CABYR: variants seen among roughly 807,000 people sequenced by gnomAD.
CABYR encodes the protein calcium binding tyrosine phosphorylation regulated, also known as calcium-binding tyrosine phosphorylation-regulated protein.
A neutral mutation model predicts 36.1 loss-of-function variants in CABYR; 31 were observed. That is an observed-to-expected ratio of 0.86 (90% confidence interval 0.64 to 1.16). CABYR has a LOEUF of 1.16. CABYR is among the 50% of genes most tolerant of loss of function. The pLI is 0.00. For synonymous variants in CABYR, 146 were observed against 160.7 expected (o/e 0.91, Z 0.69); for missense variants, 429 against 455.8 (o/e 0.94, Z 0.53).
At chr18:24,147,146 T>G (rs1198852351) in intron 3 of CABYR, among the ~76,000 whole-genome samples, 1 of 151,106 alleles carries the variant, frequency 6.6e-6, no homozygotes, top group East Asian at 1.9e-4. Context: ...TTTTTAAAAA[T>G]TAGCTGGGCA....
chr18:24,159,704 A>G lies in CABYR; in HGVS notation c.774A>G (p.Pro258=). The change falls in exon 5 of 6, where the codon CCA becomes CCG. Residue 258 remains proline (P), a synonymous_variant. Transcript: ENST00000399496. ...GCGACACCAAGAAGACCAGTGCCCCACCTTTTATCTTAGTAGGCTCAAATG... is the reference window on the plus strand; with the variant it reads ...GCGACACCAAGAAGACCAGTGCCCCGCCTTTTATCTTAGTAGGCTCAAATG... ...VMGDTKKTSA[P]PFILVGSNVQ... 6.2e-7 allele frequency: 1 copy of G among 1,613,814 alleles called. No individual in the cohort carries two copies.
chr18:24,141,382 T>C lies in CABYR; in HGVS notation c.-24-1709T>C, dbSNP rs143795669. 2.9e-3 allele frequency among the ~76,000 whole-genome samples: 447 copies of C among 152,358 alleles called. 1 individual carries two copies. Among genetic ancestry groups the C allele is most frequent in the African/African-American group, 0.01 (428 of 41,594 alleles). ...TACTGTAGGGATGTTGTTGAGGACA[T>C]GGTTCATTATATCACACTATTTGCT... On this transcript the variant is annotated intron_variant, in intron 1 of 5. Transcript: ENST00000399496.
chr18:24,160,085 T>A lies in CABYR; in HGVS notation c.1139+16T>A. ...CTGAAAACTGGTAGGTACACTTTCCTACCATAATATTTAGGCCTTAACACA... is the reference window on the plus strand; with the variant it reads ...CTGAAAACTGGTAGGTACACTTTCCAACCATAATATTTAGGCCTTAACACA... On this transcript the variant is annotated intron_variant, in intron 5 of 5. Transcript: ENST00000399496. 1.3e-6 allele frequency: 2 copies of A among 1,565,838 alleles called. No homozygotes were observed. Among genetic ancestry groups the A allele is most frequent in the Non-Finnish European group, 1.7e-6 (2 of 1,144,316 alleles).
intron 4 of CABYR, chr18:24,156,272 A>G (rs1050214837): frequency 3.7e-6 from 6 of 1,614,200 alleles, no homozygotes; most frequent in Non-Finnish European, 5.1e-6. Context: ...CTGAACCATC[A>G]ACGGCTTCCT....
chr18:24,146,675 G>A (rs2085466924), intron 3 of CABYR, among the ~76,000 whole-genome samples: 1 of 152,178 alleles, frequency 6.6e-6, no homozygotes, highest in Non-Finnish European at 1.5e-5. Flanking sequence ...ATGAACCCAT[G>A]GCAGGATAAA....
chr18:24,150,366 GC>G (rs1417919970), intron 3 of CABYR, among the ~76,000 whole-genome samples: 1 of 152,144 alleles, frequency 6.6e-6, no homozygotes, highest in Non-Finnish European at 1.5e-5. Flanking sequence ...CAAATTACTA[GC>G]CACTTTCACA....
chr18:24,143,756 G>C (rs2145854430), intron 3 of CABYR, among the ~76,000 whole-genome samples: 1 of 152,184 alleles, frequency 6.6e-6, no homozygotes, highest in East Asian at 1.9e-4. Flanking sequence ...GGCTAGACTT[G>C]AACTCCTGGA....
intron 1 of CABYR, 73 bp from the exon 2 acceptor site, chr18:24,143,018 G>C: frequency 1.0e-6 from 1 of 982,902 alleles, no homozygotes; most frequent in African/African-American, 2.2e-5. Flanking sequence ...GGGTGACAGA[G>C]TCTCAAAAAA....
chr18:24,156,234 T>C (rs1179022533), intron 4 of CABYR, 192 bp downstream of exon 4: 1 of 1,614,094 alleles, frequency 6.2e-7, no homozygotes, highest in Admixed American at 1.7e-5. Flanking sequence ...CCATGTAGAT[T>C]TGGGTTCTCA....
chr18:24,150,922 G>A (rs1165564838), intron 3 of CABYR, among the ~76,000 whole-genome samples: 3 of 151,982 alleles, frequency 2.0e-5, no homozygotes, highest in Non-Finnish European at 4.4e-5. Flanking sequence ...TGGGACTACA[G>A]GCGCCCGCCA....
At chr18:24,156,076 A>C (rs1435197336) in intron 4 of CABYR, 34 bp downstream of exon 4, 1 of 1,614,164 alleles carries the variant, frequency 6.2e-7, no homozygotes, top group South Asian at 1.1e-5. Context: ...GATCAATCTG[A>C]TGTGTTAATG....
In CABYR at chr18:24,160,039, A is replaced by G. The variant is rs149439567; in HGVS notation, c.1109A>G (p.His370Arg). 2,032 of 1,613,276 alleles carry G rather than the reference A, an allele frequency of 1.3e-3. 27 individuals are homozygous for G. The African/African-American group carries it at 0.023, about 18-fold the overall frequency. Residue 370 changes from histidine to arginine, a missense_variant, in exon 5 of 6, where the codon CAC becomes CGC. Transcript: ENST00000399496. ...IAGEVTVTTAHKRRKAETEN is the reference protein window; with the variant it reads ...IAGEVTVTTARKRRKAETEN ...GGGGAGGTAACCGTGACTACTGCTCACAAACGTCGCAAAGCAGAAACTGAA... is the reference window on the plus strand; with the variant it reads ...GGGGAGGTAACCGTGACTACTGCTCGCAAACGTCGCAAAGCAGAAACTGAA...
At position 24,144,263 on chromosome 18, in the gene CABYR, A is replaced by G. The variant is rs564034466; in HGVS notation, c.199+850A>G. ...ATCCCAGTGAGAGTGATGATGAGCA[A>G]GGAATCAGGATGGGAAAAGCTCACA... On this transcript the variant is annotated intron_variant, in intron 3 of 5. Transcript: ENST00000399496. 3.5e-4 allele frequency among the ~76,000 whole-genome samples: 54 copies of G among 152,298 alleles called. No homozygotes were observed. The South Asian group carries it at 8.3e-3, about 23-fold the overall frequency.
At chr18:24,139,755 T>C (rs1193668627) in intron 1 of CABYR, 1 of 152,264 alleles carries the variant, frequency 6.6e-6, no homozygotes, top group Non-Finnish European at 1.5e-5. Context: ...AACTGAACTG[T>C]AGGACGTTTA....
chr18:24,156,058 T>C lies in CABYR; in HGVS notation c.541+16T>C. On this transcript the variant is annotated intron_variant, in intron 4 of 5. Coordinates refer to ENST00000399496, the MANE Select transcript of CABYR (RefSeq NM_153769.3). ...CAGATGTTAGGTAAAGTTTCATCTA[T>C]TCATTCTGATCAATCTGATGTGTTA... 6.2e-7 allele frequency: 1 copy of C among 1,614,198 alleles called. No homozygotes were observed. The highest frequency in any genetic ancestry group is 1.1e-5 in the South Asian group (1 of 91,078).
intron 4 of CABYR, among the ~76,000 whole-genome samples, chr18:24,158,281 T>C (rs1009026185): frequency 1.3e-5 from 2 of 151,978 alleles, no homozygotes; most frequent in Non-Finnish European, 2.9e-5. Flanking sequence ...CTGAAGCTGT[T>C]GGAAAAATGG....
chr18:24,144,056 C>T (rs2085397178), intron 3 of CABYR, among the ~76,000 whole-genome samples: 1 of 152,070 alleles, frequency 6.6e-6, no homozygotes, highest in Non-Finnish European at 1.5e-5. Context: ...CACCAGCATG[C>T]CTGGCTAACT....
rs758089573 is a variant in CABYR, at chr18:24,159,769, C to G, written c.839C>G (p.Ala280Gly). Residue 280 changes from alanine to glycine, a missense_variant, in exon 5 of 6, where the codon GCT becomes GGT. Ala to Gly is a moderately conservative substitution (Grantham distance 60). Transcript: ENST00000399496. ...AQGWKPLPGH[A>G]VVSQSDVLRY... Reference sequence around the variant, plus strand: ...GGATGGAAACCTCTTCCTGGACATGCTGTCGTTTCACAGTCAGATGTCTTG... The same window carrying G: ...GGATGGAAACCTCTTCCTGGACATGGTGTCGTTTCACAGTCAGATGTCTTG... The G allele has an allele frequency of 1.5e-5, 24 of 1,613,954 alleles. No homozygotes were observed. In the Admixed American group the frequency reaches 3.7e-4, roughly 25 times the overall value.
intron 4 of CABYR, 131 bp from the exon 5 acceptor site, chr18:24,159,341 T>C: frequency 1.5e-6 from 1 of 676,448 alleles, no homozygotes; most frequent in East Asian, 2.6e-5. Flanking sequence ...TGCAGCCCTC[T>C]CTATAGCATG....
Sources: gnomAD v4.1 joint callset for allele counts (sites outside exome capture counted in the v4.1 genomes callset) on GRCh38, gnomAD v4.1.1 for gene constraint, MANE v1.5 for transcripts, NCBI Gene and HGNC (gene_info 2026-07-23, HGNC 2026-07-21) for gene names.